Variants in RFX7 observed in about 807,000 individuals in gnomAD.
RFX7 encodes DNA-binding protein RFX7.
RFX7 carries 26 observed loss-of-function variants against 111.8 expected under a neutral mutation model. The observed-to-expected ratio is 0.23, with a 90% confidence interval of 0.17 to 0.32. RFX7 has a LOEUF of 0.32. RFX7 is among the 10% of genes least tolerant of loss of function. The pLI is 1.00. For synonymous variants in RFX7, 624 were observed against 624.4 expected (o/e 1.00, Z 0.01); for missense variants, 1,573 against 1,772.9 (o/e 0.89, Z 2.02).
intron 5 of RFX7, among the ~76,000 whole-genome samples, chr15:56,137,354 G>A (rs572387479): frequency 1.3e-5 from 2 of 152,180 alleles, no homozygotes; most frequent in Admixed American, 6.5e-5. Context: ...GAGAGTGTAT[G>A]TGTCAAGGAA....
intron 2 of RFX7, among the ~76,000 whole-genome samples, chr15:56,211,197 T>C (rs1238316408): frequency 6.6e-6 from 1 of 152,022 alleles, no homozygotes; most frequent in Non-Finnish European, 1.5e-5. Context: ...CTACCAAACA[T>C]TTAAAAAAGA....
Position 56,096,256 on chromosome 15 carries a change from T to C in RFX7, c.1472A>G (p.His491Arg), listed in dbSNP as rs1388735117. ...TPSNSNTPLK[H>R]SASVSSATGT... Reference sequence around the variant, plus strand: ...TGTAGCACTGCTGACTGAGGCAGAATGTTTAAGAGGGGTGTTACTGTTGCT... The same window carrying C: ...TGTAGCACTGCTGACTGAGGCAGAACGTTTAAGAGGGGTGTTACTGTTGCT... Residue 491 changes from histidine (H) to arginine (R), a missense_variant, in exon 10 of 10, where the codon CAT becomes CGT. Physicochemically the swap from His to Arg is conservative, Grantham distance 29. Transcript: ENST00000559447. 6.2e-7 allele frequency: 1 copy of C among 1,613,940 alleles called. No homozygotes were observed. Among genetic ancestry groups the C allele is most frequent in the Non-Finnish European group, 8.5e-7 (1 of 1,179,870 alleles).
chr15:56,093,759 G>A lies in RFX7; in HGVS notation c.3969C>T (p.Thr1323=), dbSNP rs1471536783. The A allele has an allele frequency of 1.4e-5, 23 of 1,613,702 alleles. No individual in the cohort carries two copies. Among genetic ancestry groups the A allele is most frequent in the East Asian group, 2.2e-5 (1 of 44,888 alleles). ...CTCCAGGAGAAAAATTGATCTGACC[G>A]GTGCTATTACTTTTGGTGAGGTAAG... ...TPSYLTKSNS[T]GQINFSPGDN... is the part of the protein sequence containing the mutation. Residue 1323 remains threonine, a synonymous_variant, in exon 10 of 10, where the codon ACC becomes ACT. Transcript: ENST00000559447.
intron 2 of RFX7, among the ~76,000 whole-genome samples, chr15:56,182,235 ATTTT>A: frequency 6.6e-6 from 1 of 152,100 alleles, no homozygotes; most frequent in East Asian, 1.9e-4. Context: ...CTGTGGGAAA[ATTTT>A]TTATCTTCCA....
At chr15:56,243,041 C>CGG in intron 2 of RFX7, 84 bp downstream of exon 2, 1 of 596,592 alleles carries the variant, frequency 1.7e-6, no homozygotes, top group Non-Finnish European at 2.9e-6. Context: ...TCCTCCTCCG[C>CGG]TCCCCCCGCC....
intron 2 of RFX7, among the ~76,000 whole-genome samples, chr15:56,204,518 G>A (rs16976824): frequency 6.6e-6 from 1 of 152,136 alleles, no homozygotes; most frequent in African/African-American, 2.4e-5. Flanking sequence ...GGGAAAATCA[G>A]TGCCAGAGTA....
chr15:56,181,165 A>G (rs577616075), intron 2 of RFX7, among the ~76,000 whole-genome samples: 2 of 152,270 alleles, frequency 1.3e-5, no homozygotes, highest in East Asian at 3.9e-4. Flanking sequence ...CTAATCTCAT[A>G]CTAGTCTATT....
chr15:56,102,093 G>T, intron 7 of RFX7, 76 bp downstream of exon 7: 1 of 1,061,270 alleles, frequency 9.4e-7, no homozygotes, highest in Non-Finnish European at 1.4e-6. Context: ...AACCAAATGA[G>T]ACTTTGCAGG....
chr15:56,093,603 A>G lies in RFX7; in HGVS notation c.4125T>C (p.Asn1375=). 6.2e-7 allele frequency: 1 copy of G among 1,613,888 alleles called. No individual in the cohort carries two copies. Among genetic ancestry groups the G allele is most frequent in the Non-Finnish European group, 8.5e-7 (1 of 1,179,844 alleles). Residue 1375 remains asparagine, a synonymous_variant, in exon 10 of 10, where the codon AAT becomes AAC. Transcript: ENST00000559447. ...TATCGCTAGAGAAATCAGATGCAGTATTAGTGAGATCAGATGCTCCCTGAC... is the reference window on the plus strand; with the variant it reads ...TATCGCTAGAGAAATCAGATGCAGTGTTAGTGAGATCAGATGCTCCCTGAC... ...LVGQGASDLT[N]TASDFSSDIR... is the part of the protein sequence containing the mutation.
intron 5 of RFX7, among the ~76,000 whole-genome samples, chr15:56,126,328 C>T (rs1456821496): frequency 6.6e-6 from 1 of 152,214 alleles, no homozygotes; most frequent in African/African-American, 2.4e-5. Context: ...AGTCTGATCT[C>T]TCATTCCCCA....
chr15:56,227,663 G>A (rs1347949432), intron 2 of RFX7, among the ~76,000 whole-genome samples: 3 of 152,098 alleles, frequency 2.0e-5, no homozygotes, highest in Admixed American at 1.3e-4. Flanking sequence ...TCCCAGCAGT[G>A]AATGACACTG....
intron 3 of RFX7, among the ~76,000 whole-genome samples, chr15:56,160,059 G>C (rs2042702714): frequency 6.6e-6 from 1 of 151,942 alleles, no homozygotes; most frequent in African/African-American, 2.4e-5. Flanking sequence ...TATTCTGTTT[G>C]GTTTTGTTTT....
chr15:56,101,221 T>C (rs2041747686), intron 8 of RFX7, 138 bp downstream of exon 8: 1 of 665,546 alleles, frequency 1.5e-6, no homozygotes, highest in South Asian at 2.0e-5. Flanking sequence ...CATCTGAATT[T>C]AGTGTTAAGC....
At chr15:56,235,678 G>T (rs2043615201) in intron 2 of RFX7, among the ~76,000 whole-genome samples, 1 of 152,102 alleles carries the variant, frequency 6.6e-6, no homozygotes, top group Non-Finnish European at 1.5e-5. Context: ...AAAGAAAAAG[G>T]GTGGCAATTA....
chr15:56,242,573 T>C (rs2043710345), intron 2 of RFX7, among the ~76,000 whole-genome samples: 2 of 152,066 alleles, frequency 1.3e-5, no homozygotes, highest in African/African-American at 4.8e-5. Context: ...TCACAATCAA[T>C]GCAAAGAATA....
At chr15:56,099,405 A>C (rs145545537) in intron 8 of RFX7, among the ~76,000 whole-genome samples, 4 of 152,294 alleles carry the variant, frequency 2.6e-5, no homozygotes, top group African/African-American at 9.6e-5. Flanking sequence ...TTTAAAAATC[A>C]CAATTTTTCA....
intron 8 of RFX7, among the ~76,000 whole-genome samples, chr15:56,099,273 CTT>C (rs1470634036): frequency 5.3e-5 from 8 of 152,124 alleles, no homozygotes; most frequent in African/African-American, 1.9e-4. Flanking sequence ...CCAATTTCTG[CTT>C]TTCATCATTC....
At position 56,095,158 on chromosome 15, in the gene RFX7, A is replaced by G. The variant is rs756037241; in HGVS notation, c.2570T>C (p.Leu857Pro). ...IQAHSSDQLPLQSELKEFEPS... is the reference protein window; with the variant it reads ...IQAHSSDQLPPQSELKEFEPS... ...CTCAAACTCCTTCAGTTCAGATTGC[A>G]GAGGTAACTGATCTGAAGAATGTGC... The change falls in exon 10 of 10, where the codon CTG (leucine) becomes CCG (proline). Residue 857 changes from leucine to proline, a missense_variant. Leu to Pro is a moderately conservative substitution (Grantham distance 98). Coordinates refer to ENST00000559447, the MANE Select transcript of RFX7 (RefSeq NM_022841.7). 6.2e-7 allele frequency: 1 copy of G among 1,613,966 alleles called. No individual in the cohort carries two copies. Among genetic ancestry groups the G allele is most frequent in the Non-Finnish European group, 8.5e-7 (1 of 1,179,856 alleles).
intron 5 of RFX7, among the ~76,000 whole-genome samples, chr15:56,120,455 C>G (rs1199365987): frequency 6.6e-6 from 1 of 152,116 alleles, no homozygotes; most frequent in African/African-American, 2.4e-5. Flanking sequence ...TAATTTGACC[C>G]TTCATTCCCA....
Sources: allele counts gnomAD v4.1 joint callset (sites outside exome capture counted in the v4.1 genomes callset), GRCh38; gene constraint gnomAD v4.1.1; transcripts MANE v1.5; gene names NCBI Gene and HGNC (gene_info 2026-07-23, HGNC 2026-07-21).